Variants in CABLES1 observed in about 807,000 individuals in gnomAD.
CABLES1 encodes CDK5 and ABL1 enzyme substrate 1.
CABLES1 carries 36 observed loss-of-function variants against 57.8 expected under a neutral mutation model. The ratio of observed to expected loss-of-function variants is 0.62; its 90% confidence interval spans 0.48 to 0.82. The LOEUF (loss-of-function observed/expected upper bound fraction) is 0.82, where lower values mean the gene tolerates loss of function less well. Among genes scored for constraint, CABLES1 ranks in the 40% least tolerant of loss-of-function variants. CABLES1 has a pLI of 0.00. For missense variants in CABLES1, 767 were observed against 836.6 expected, an observed-to-expected ratio of 0.92 and a Z score of 1.03; for synonymous variants, 374 against 363.0, an observed-to-expected ratio of 1.03 and a Z score of -0.35.
intron 1 of CABLES1, among the ~76,000 whole-genome samples, chr18:23,161,111 A>G (rs1002404115): frequency 8.6e-5 from 13 of 151,768 alleles, no homozygotes; most frequent in African/African-American, 2.9e-4. Context: ...TGGGAGGCCC[A>G]GGAGGAAGGA....
intron 1 of CABLES1, among the ~76,000 whole-genome samples, chr18:23,169,346 C>T (rs1392663621): frequency 3.3e-5 from 5 of 152,132 alleles, no homozygotes; most frequent in Non-Finnish European, 7.3e-5. Flanking sequence ...GGAATCACCC[C>T]GAATTCTTTC....
intron 1 of CABLES1, among the ~76,000 whole-genome samples, chr18:23,156,906 C>G (rs961998460): frequency 2.6e-5 from 4 of 151,912 alleles, no homozygotes; most frequent in Non-Finnish European, 4.4e-5. Flanking sequence ...CACAAAAATG[C>G]AAAAAATATG....
At chr18:23,198,644 G>A (rs1198500569) in intron 3 of CABLES1, among the ~76,000 whole-genome samples, 1 of 152,252 alleles carries the variant, frequency 6.6e-6, no homozygotes, top group East Asian at 1.9e-4. Flanking sequence ...GATCGTCAGT[G>A]TCAAGAGTGA....
intron 4 of CABLES1, among the ~76,000 whole-genome samples, chr18:23,228,713 C>G (rs2047545642): frequency 6.7e-6 from 1 of 150,030 alleles, no homozygotes; most frequent in Admixed American, 6.6e-5. Flanking sequence ...CTCCCCCACC[C>G]CCGTGGGCCA....
chr18:23,146,418 C>T (rs1598797397), intron 1 of CABLES1, among the ~76,000 whole-genome samples: 1 of 152,212 alleles, frequency 6.6e-6, no homozygotes, highest in South Asian at 2.1e-4. Context: ...ATTGGCCAGG[C>T]TTGTCTCGAA....
chr18:23,140,730 G>A (rs1300553278), intron 1 of CABLES1, among the ~76,000 whole-genome samples: 2 of 152,158 alleles, frequency 1.3e-5, no homozygotes, highest in Admixed American at 6.5e-5. Flanking sequence ...GAGCCACCGC[G>A]CCCCACCCAG....
intron 9 of CABLES1, among the ~76,000 whole-genome samples, chr18:23,256,857 G>A (rs947517053): frequency 1.3e-5 from 2 of 152,184 alleles, no homozygotes; most frequent in African/African-American, 2.4e-5. Flanking sequence ...CAGTTAGGGT[G>A]GACTCTTAGT....
intron 3 of CABLES1, among the ~76,000 whole-genome samples, chr18:23,203,561 C>G (rs750882498): frequency 1.3e-5 from 2 of 152,078 alleles, no homozygotes; most frequent in African/African-American, 4.8e-5. Context: ...CAAGCTGGAG[C>G]CTTTCCTTGT....
chr18:23,215,703 G>A (rs1029945021), intron 4 of CABLES1, among the ~76,000 whole-genome samples: 1 of 152,172 alleles, frequency 6.6e-6, no homozygotes, highest in Non-Finnish European at 1.5e-5. Flanking sequence ...CAGCTTAGCA[G>A]GGGAGACACA....
intron 1 of CABLES1, among the ~76,000 whole-genome samples, chr18:23,178,869 G>A (rs1235267402): frequency 1.3e-5 from 2 of 152,038 alleles, no homozygotes; most frequent in South Asian, 2.1e-4. Context: ...TTCTTGACCC[G>A]CCTATGAAAA....
intron 3 of CABLES1, among the ~76,000 whole-genome samples, chr18:23,209,751 G>A (rs1271886807): frequency 6.6e-6 from 1 of 152,212 alleles, no homozygotes; most frequent in African/African-American, 2.4e-5. Context: ...AATAGAACAA[G>A]GCTCCGGTTT....
chr18:23,223,537 C>T (rs1344245794), intron 4 of CABLES1, among the ~76,000 whole-genome samples: 1 of 148,682 alleles, frequency 6.7e-6, no homozygotes, highest in African/African-American at 2.5e-5. Context: ...GAGATCTCGC[C>T]ATTGCATTCC....
At chr18:23,181,788 G>A (rs1198444673) in intron 1 of CABLES1, among the ~76,000 whole-genome samples, 2 of 152,210 alleles carry the variant, frequency 1.3e-5, no homozygotes, top group Non-Finnish European at 2.9e-5. Flanking sequence ...GTTGGTGAGT[G>A]AGAGAAAGAC....
intron 5 of CABLES1, 107 bp from the exon 6 acceptor site, chr18:23,235,788 A>C: frequency 8.9e-7 from 1 of 1,120,414 alleles, no homozygotes; most frequent in South Asian, 1.5e-5. Flanking sequence ...AATTGCAAAT[A>C]GGAGAAAGTG....
chr18:23,184,308 C>CGTGT (rs61158856), intron 1 of CABLES1, among the ~76,000 whole-genome samples: 2,437 of 146,392 alleles, frequency 0.017, 39 homozygotes, highest in Middle Eastern at 0.053. Flanking sequence ...CATACTGGCA[C>CGTGT]GTGTGTGTGT....
chr18:23,184,203 G>T (rs184520869), intron 1 of CABLES1, among the ~76,000 whole-genome samples: 14 of 152,178 alleles, frequency 9.2e-5, no homozygotes, highest in African/African-American at 3.4e-4. Context: ...TACATCTGCT[G>T]AAGTTAAAGG....
In CABLES1 at chr18:23,136,372, G is replaced by C; in HGVS notation, c.610G>C (p.Gly204Arg). 1 of 1,534,534 alleles carries C rather than the reference G, an allele frequency of 6.5e-7. No homozygotes were observed. The highest frequency in any genetic ancestry group is 8.8e-7 in the Non-Finnish European group (1 of 1,142,730). Reference protein sequence around the residue: ...LQLLDGSGAAGQEELEEDDAF... With the variant: ...LQLLDGSGAARQEELEEDDAF... The stretch of plus-strand genomic sequence containing the variant: ...GCTGCTCGACGGGTCCGGGGCCGCC[G>C]GGCAGGAGGAGTTGGAGGAGGACGA... The change falls in exon 1 of 10, where the codon GGG becomes CGG. Residue 204 changes from glycine to arginine, a missense_variant. By Grantham distance (125) the Gly-to-Arg change is moderately radical. Around this residue, in one of 4 missense-constraint regions of CABLES1, gnomAD observed 529 missense variants for 622.8 expected, o/e 0.85. Coordinates refer to ENST00000256925, the MANE Select transcript of CABLES1 (RefSeq NM_001100619.3).
At chr18:23,227,472 C>T (rs1292687426) in intron 4 of CABLES1, among the ~76,000 whole-genome samples, 1 of 152,144 alleles carries the variant, frequency 6.6e-6, no homozygotes, top group African/African-American at 2.4e-5. Context: ...GTTGCCCTTG[C>T]AGGGGATGGC....
chr18:23,253,587 C>G, intron 8 of CABLES1, 142 bp from the exon 9 acceptor site: 1 of 691,414 alleles, frequency 1.4e-6, no homozygotes, highest in Non-Finnish European at 2.5e-6. Context: ...ACGCAGCCTT[C>G]ACACTCCCAG....
Sources: gnomAD v4.1 joint callset for allele counts (sites outside exome capture counted in the v4.1 genomes callset) on GRCh38, gnomAD v4.1.1 for gene constraint, gnomAD v4.1.1 regional missense constraint, MANE v1.5 for transcripts, NCBI Gene and HGNC (gene_info 2026-07-23, HGNC 2026-07-21) for gene names.